Variants in ODF2 observed in about 807,000 individuals in gnomAD.
ODF2 encodes outer dense fiber protein 2.
ODF2 carries 47 observed loss-of-function variants against 110.2 expected under a neutral mutation model. That is an observed-to-expected ratio of 0.43 (90% CI 0.34 to 0.54). ODF2 has a LOEUF of 0.54. Among genes scored for constraint, ODF2 ranks in the 20% least tolerant of loss-of-function variants. The pLI is 0.03. For missense variants in ODF2, 812 were observed against 1,054.5 expected (o/e 0.77, Z 3.19); for synonymous variants, 352 against 397.7 (o/e 0.89, Z 1.37).
At chr9:128,460,443 G>A in intron 3 of ODF2, 107 bp from the exon 3 acceptor site, 1 of 1,530,864 alleles carries the variant, frequency 6.5e-7, no homozygotes, top group East Asian at 2.3e-5. Context: ...TGCTCGCTTG[G>A]TGGCTAGGCT....
intron 9 of ODF2, among the ~76,000 whole-genome samples, chr9:128,482,100 G>C (rs982972595): frequency 6.6e-6 from 1 of 152,206 alleles, no homozygotes; most frequent in Admixed American, 6.5e-5. Context: ...CGAAGGGGAG[G>C]TTCCATAGCC....
intron 9 of ODF2, among the ~76,000 whole-genome samples, chr9:128,482,437 G>A (rs1842575990): frequency 6.6e-6 from 1 of 152,080 alleles, no homozygotes; most frequent in Admixed American, 6.5e-5. Context: ...TGGTAAACAT[G>A]AGCTTTTAGG....
intron 5 of ODF2, among the ~76,000 whole-genome samples, chr9:128,469,806 G>A (rs945409998): frequency 2.7e-5 from 4 of 150,202 alleles, no homozygotes; most frequent in Non-Finnish European, 5.9e-5. Flanking sequence ...CCAACACGGT[G>A]AAACCCTGTC....
At chr9:128,465,455 G>C (rs888762622) in intron 4 of ODF2, among the ~76,000 whole-genome samples, 12 of 151,948 alleles carry the variant, frequency 7.9e-5, no homozygotes, top group Admixed American at 3.3e-4. Flanking sequence ...ATTACTAAAA[G>C]TGATCAGCCG....
At chr9:128,463,886 C>T (rs897823793) in intron 4 of ODF2, among the ~76,000 whole-genome samples, 9 of 151,838 alleles carry the variant, frequency 5.9e-5, no homozygotes, top group Non-Finnish European at 1.2e-4. Flanking sequence ...GTTTTGTCAC[C>T]CAGGCTGGAG....
chr9:128,499,316 C>G (rs541441399), intron 20 of ODF2, among the ~76,000 whole-genome samples, 190 bp downstream of exon 20: 1 of 152,302 alleles, frequency 6.6e-6, no homozygotes, highest in East Asian at 1.9e-4. Context: ...GACGGAGTCT[C>G]CCTGTGTCAC....
At chr9:128,460,099 C>T (rs1047851192) in intron 3 of ODF2, 63 of 1,274,112 alleles carry the variant, frequency 4.9e-5, no homozygotes, top group Admixed American at 2.1e-4. Context: ...TGCCTGCTCT[C>T]TGATTTATTC....
In ODF2 at chr9:128,460,235, C is replaced by G. The variant is rs1484098802; in HGVS notation, c.123+578C>G. The G allele has an allele frequency of 9.0e-6, 12 of 1,326,980 alleles. No homozygotes were observed. In the South Asian group the frequency reaches 1.5e-4, roughly 16 times the overall value. 82.2% of individuals were successfully genotyped at this position (1,326,980 alleles called of 1,614,324 possible). ...TCCAAGGAGGAGCTGTGCATTCCAGCAGGTTTAGAGGAGATCCAGCCCTAA... is the reference window on the plus strand; with the variant it reads ...TCCAAGGAGGAGCTGTGCATTCCAGGAGGTTTAGAGGAGATCCAGCCCTAA... On this transcript the variant is annotated intron_variant, in intron 3 of 20. Transcript: ENST00000604420.
intron 3 of ODF2, 100 bp from the exon 4 acceptor site, chr9:128,460,842 A>C (rs1471631399): frequency 6.5e-7 from 1 of 1,546,434 alleles, no homozygotes; most frequent in Non-Finnish European, 8.9e-7. Context: ...CAGTAACATT[A>C]GTCAGAAGAG....
chr9:128,461,267 A>C, intron 4 of ODF2, 200 bp downstream of exon 4: 1 of 637,154 alleles, frequency 1.6e-6, no homozygotes. Context: ...CCTGCTGTCC[A>C]AAGGCAGAGA....
At chr9:128,489,008 A>G (rs181117042) in intron 14 of ODF2, among the ~76,000 whole-genome samples, 57 of 152,266 alleles carry the variant, frequency 3.7e-4, no homozygotes, top group Admixed American at 3.7e-3. Flanking sequence ...CTCCGTCTCA[A>G]AAGAAAAGAA....
chr9:128,459,426 A>T (rs897365228), intron 2 of ODF2, 141 bp from the exon 2 acceptor site: 2 of 650,156 alleles, frequency 3.1e-6, no homozygotes, highest in Non-Finnish European at 5.5e-6. Flanking sequence ...TGCTCATCTC[A>T]GGGGAGTCAA....
intron 4 of ODF2, among the ~76,000 whole-genome samples, chr9:128,464,031 G>A (rs749954079): frequency 4.6e-5 from 7 of 151,602 alleles, no homozygotes; most frequent in Non-Finnish European, 1.0e-4. Flanking sequence ...TTTTAGTAGA[G>A]ACGGGGTTTT....
exon 6 of ODF2, chr9:128,471,319 A>G (rs762968439): frequency 1.9e-6 from 3 of 1,609,010 alleles, no homozygotes; most frequent in East Asian, 2.2e-5. Context: ...TCAAGATGCA[A>G]AAAGGTGAGC....
chr9:128,457,035 A>G, intron 1 of ODF2: 2 of 1,280,940 alleles, frequency 1.6e-6, no homozygotes, highest in Non-Finnish European at 2.0e-6. Context: ...CCCTCTCCGC[A>G]CGTCCGCCGG....
intron 14 of ODF2, 93 bp downstream of exon 14, chr9:128,488,118 T>A: frequency 7.0e-7 from 1 of 1,430,874 alleles, no homozygotes; most frequent in Non-Finnish European, 9.6e-7. Flanking sequence ...GCATCTTGAC[T>A]AAGAGGGAGT....
chr9:128,466,805 G>A (rs1838052232), intron 4 of ODF2, among the ~76,000 whole-genome samples: 5 of 147,894 alleles, frequency 3.4e-5, no homozygotes, highest in South Asian at 4.3e-4. Flanking sequence ...GTGAAACTCC[G>A]TCTCTACTAA....
intron 16 of ODF2, 82 bp downstream of exon 16, chr9:128,492,887 C>A: frequency 8.1e-7 from 1 of 1,241,436 alleles, no homozygotes; most frequent in Non-Finnish European, 1.1e-6. Flanking sequence ...CCCTTGTTTG[C>A]CTTTGACCCT....
At chr9:128,456,810 A>T in intron 1 of ODF2, 1 of 1,300,792 alleles carries the variant, frequency 7.7e-7, no homozygotes, top group Non-Finnish European at 9.9e-7. Flanking sequence ...CCTGCTCAGA[A>T]CTCTGTTCGG....
Sources: allele counts gnomAD v4.1 joint callset (sites outside exome capture counted in the v4.1 genomes callset), GRCh38; gene constraint gnomAD v4.1.1; transcripts MANE v1.5; gene names NCBI Gene and HGNC (gene_info 2026-07-23, HGNC 2026-07-21).